The following SLC38A9 variants were observed in gnomAD, a reference collection of about 807,000 sequenced individuals.
SLC38A9 encodes solute carrier family 38 member 9.
SLC38A9 carries 48 observed loss-of-function variants against 62.3 expected under a neutral mutation model. That is an observed-to-expected ratio of 0.77 (90% CI 0.61 to 0.98). The LOEUF (loss-of-function observed/expected upper bound fraction) is 0.98. Ranked by LOEUF, SLC38A9 falls within the 50% of genes least tolerant of loss-of-function variation. SLC38A9 has a pLI of 0.00. For missense variants in SLC38A9, 541 were observed against 679.8 expected, an observed-to-expected ratio of 0.80 and a Z score of 2.27; for synonymous variants, 204 against 227.7, an observed-to-expected ratio of 0.90 and a Z score of 0.94.
At chr5:55,693,135 G>C in intron 3 of SLC38A9, 4 of 363,686 alleles carry the variant, frequency 1.1e-5, no homozygotes, top group Non-Finnish European at 1.1e-5. Flanking sequence ...TAATTGTTGG[G>C]TGTCTACCTA....
At chr5:55,659,255 C>A (rs1357612958) in intron 8 of SLC38A9, among the ~76,000 whole-genome samples, 6 of 146,358 alleles carry the variant, frequency 4.1e-5, no homozygotes, top group Admixed American at 6.9e-5. Flanking sequence ...AAAAAAAAAA[C>A]CATCAATATA....
chr5:55,640,464 C>A (rs904186653), intron 12 of SLC38A9, among the ~76,000 whole-genome samples: 1 of 152,190 alleles, frequency 6.6e-6, no homozygotes, highest in Non-Finnish European at 1.5e-5. Context: ...TCAAGGCCCA[C>A]TGAGTGTTCT....
intron 8 of SLC38A9, chr5:55,657,869 A>G (rs1375825334): frequency 1.3e-5 from 2 of 152,252 alleles, no homozygotes; most frequent in South Asian, 4.1e-4. Flanking sequence ...TAAAAGAAAC[A>G]GTATAGTACT....
chr5:55,702,604 T>C (rs1343209342), intron 2 of SLC38A9: 1 of 152,174 alleles, frequency 6.6e-6, no homozygotes, highest in Non-Finnish European at 1.5e-5. Flanking sequence ...AAATGTATTA[T>C]CATTTCCATC....
At chr5:55,666,690 T>C (rs2150318915) in intron 7 of SLC38A9, among the ~76,000 whole-genome samples, 1 of 151,192 alleles carries the variant, frequency 6.6e-6, no homozygotes, top group African/African-American at 2.4e-5. Context: ...GGTCAGAAGT[T>C]CGAGACCAGC....
At chr5:55,686,641 A>G (rs1295060747) in intron 3 of SLC38A9, among the ~76,000 whole-genome samples, 2 of 151,626 alleles carry the variant, frequency 1.3e-5, no homozygotes, top group Admixed American at 1.3e-4. Context: ...CCATTTGTCA[A>G]TTTTTCCTTT....
At position 55,689,226 on chromosome 5, in the gene SLC38A9, T is replaced by C. The variant is rs373508591; in HGVS notation, c.113+8620A>G. On this transcript the variant is annotated intron_variant, in intron 3 of 15. Coordinates refer to ENST00000396865, the MANE Select transcript of SLC38A9 (RefSeq NM_173514.4). ...TATAGCACCAAAACAATTCCCAATA[T>C]GATTTTACAGAAAACATATCTCCTA... Among the ~76,000 whole-genome samples, 8 of 152,310 alleles carry C rather than the reference T, an allele frequency of 5.3e-5. No homozygotes were observed. The South Asian group carries it at 1.7e-3, about 32-fold the overall frequency.
intron 3 of SLC38A9, chr5:55,692,857 T>A (rs190589579): frequency 8.2e-6 from 8 of 979,130 alleles, no homozygotes; most frequent in South Asian, 4.7e-5. Flanking sequence ...TTTACTGACA[T>A]TGGATTATAT....
At chr5:55,691,723 G>A (rs1320212196) in intron 3 of SLC38A9, among the ~76,000 whole-genome samples, 2 of 152,164 alleles carry the variant, frequency 1.3e-5, no homozygotes, top group Non-Finnish European at 2.9e-5. Context: ...ATCAAGATAG[G>A]AGACTTCTAA....
At chr5:55,655,683 C>T (rs1404383706) in intron 9 of SLC38A9, among the ~76,000 whole-genome samples, 2 of 152,082 alleles carry the variant, frequency 1.3e-5, no homozygotes, top group African/African-American at 4.8e-5. Flanking sequence ...TATTATATCC[C>T]TAGAGCCTAG....
At chr5:55,651,070 C>T (rs1230961660) in intron 10 of SLC38A9, among the ~76,000 whole-genome samples, 3 of 151,872 alleles carry the variant, frequency 2.0e-5, no homozygotes, top group Non-Finnish European at 4.4e-5. Flanking sequence ...GGATTACAGG[C>T]GTGAGCCACC....
At chr5:55,661,086 T>TAAA (rs59678801) in intron 8 of SLC38A9, among the ~76,000 whole-genome samples, 8 of 151,242 alleles carry the variant, frequency 5.3e-5, no homozygotes, top group South Asian at 4.2e-4. Flanking sequence ...AAGAAAAACT[T>TAAA]AAAATTTTTT....
intron 3 of SLC38A9, among the ~76,000 whole-genome samples, chr5:55,693,582 TA>T (rs1469683621): frequency 3.9e-5 from 6 of 152,210 alleles, no homozygotes; most frequent in Non-Finnish European, 8.8e-5. Flanking sequence ...GCTGGCATTT[TA>T]GGGGGGAAAT....
At chr5:55,635,727 G>A (rs1355478714) in intron 12 of SLC38A9, 70 bp from the exon 13 acceptor site, 4 of 935,214 alleles carry the variant, frequency 4.3e-6, no homozygotes, top group East Asian at 4.9e-5. Context: ...ATAGGCTAAG[G>A]AGACTAACAA....
At chr5:55,630,460 A>T (rs988370509) in intron 14 of SLC38A9, among the ~76,000 whole-genome samples, 3 of 151,802 alleles carry the variant, frequency 2.0e-5, no homozygotes, top group African/African-American at 7.3e-5. Flanking sequence ...TGGGATTACA[A>T]GCGCCTGCCA....
chr5:55,644,656 G>A (rs886973131), intron 12 of SLC38A9, among the ~76,000 whole-genome samples: 4 of 151,910 alleles, frequency 2.6e-5, no homozygotes, highest in Admixed American at 6.6e-5. Context: ...TCTTGACCTC[G>A]TGTCCACCCG....
At chr5:55,648,787 T>C (rs908904243) in intron 11 of SLC38A9, among the ~76,000 whole-genome samples, 1 of 152,190 alleles carries the variant, frequency 6.6e-6, no homozygotes, top group African/African-American at 2.4e-5. Context: ...GTGATGGATA[T>C]CCCAATTACC....
chr5:55,653,463 A>T (rs1238796973), intron 9 of SLC38A9, among the ~76,000 whole-genome samples: 1 of 152,208 alleles, frequency 6.6e-6, no homozygotes, highest in East Asian at 1.9e-4. Flanking sequence ...GATTTCTTTT[A>T]ACAACAAACA....
chr5:55,635,755 C>T lies in SLC38A9; in HGVS notation c.1168-98G>A, dbSNP rs1399853919. ...ACTAACAAATAAATATAAAATTTGT[C>T]TTTTTACCTTGTACATGTGTGTATA... On this transcript the variant is annotated intron_variant, in intron 12 of 15. Coordinates refer to ENST00000396865, the MANE Select transcript of SLC38A9 (RefSeq NM_173514.4). The T allele has an allele frequency of 9.4e-6, 7 of 747,166 alleles. No homozygotes were observed. The African/African-American group carries it at 1.2e-4, about 13-fold the overall frequency. 46.3% of individuals were successfully genotyped at this position (747,166 alleles called of 1,614,324 possible). A position where few individuals can be genotyped will look rare whatever the true frequency, so the allele number is the denominator to read the frequency against.
Sources: allele counts gnomAD v4.1 joint callset (sites outside exome capture counted in the v4.1 genomes callset), GRCh38; gene constraint gnomAD v4.1.1; transcripts MANE v1.5; gene names NCBI Gene and HGNC (gene_info 2026-07-23, HGNC 2026-07-21).